GABRG3: variants seen among roughly 807,000 people sequenced by gnomAD.
GABRG3 encodes the protein gamma-aminobutyric acid receptor subunit gamma-3.
In GABRG3, 25 loss-of-function variants were observed where a neutral mutation model predicts 48.8. The observed-to-expected ratio is 0.51, with a 90% CI of 0.37 to 0.72. GABRG3 has a LOEUF of 0.72. Among genes scored for constraint, GABRG3 ranks in the 30% least tolerant of loss-of-function variants. The pLI, the probability that GABRG3 is intolerant of heterozygous loss-of-function variation, is 0.00. For synonymous variants in GABRG3, 227 were observed against 217.6 expected (o/e 1.04, Z -0.38); for missense variants, 394 against 577.9 (o/e 0.68, Z 3.26).
chr15:27,030,140 A>G (rs1321194147), intron 3 of GABRG3, among the ~76,000 whole-genome samples: 3 of 152,218 alleles, frequency 2.0e-5, no homozygotes, highest in Non-Finnish European at 4.4e-5. Context: ...AAGAAGCACA[A>G]TTTAGAGATG....
At chr15:27,411,218 C>T (rs962867707) in intron 5 of GABRG3, among the ~76,000 whole-genome samples, 6 of 152,108 alleles carry the variant, frequency 3.9e-5, no homozygotes, top group Non-Finnish European at 8.8e-5. Context: ...TTTGGACAAA[C>T]ACTCTGTGGA....
intron 3 of GABRG3, among the ~76,000 whole-genome samples, chr15:27,111,881 G>T (rs991549550): frequency 3.3e-5 from 5 of 152,124 alleles, no homozygotes; most frequent in African/African-American, 1.2e-4. Context: ...GATTTTCACA[G>T]TTCAGCTCTT....
At chr15:27,265,882 G>GTTTTTTTTTTTTTTTTTTTT (rs57522857) in intron 3 of GABRG3, among the ~76,000 whole-genome samples, 11 of 127,586 alleles carry the variant, frequency 8.6e-5, no homozygotes, top group African/African-American at 2.7e-4. Context: ...TTTTCTCCTG[G>GTTTTTTTTTTTTTTTTTTTT]TTTTTTTTTT....
chr15:27,446,883 A>G (rs1326176501), intron 5 of GABRG3, among the ~76,000 whole-genome samples: 3 of 152,210 alleles, frequency 2.0e-5, no homozygotes, highest in African/African-American at 7.2e-5. Flanking sequence ...GAGAATACAC[A>G]TACACCCCCA....
chr15:27,154,392 G>C (rs985551566), intron 3 of GABRG3, among the ~76,000 whole-genome samples: 4 of 152,136 alleles, frequency 2.6e-5, no homozygotes, highest in African/African-American at 9.7e-5. Context: ...TGAGAGTTGA[G>C]AGTGGGCATC....
At position 27,533,087 on chromosome 15, in the gene GABRG3, T is replaced by TA. The variant is rs1891468723; in HGVS notation, c.*208dup. On this transcript the variant is annotated 3_prime_UTR_variant, in exon 10 of 10. Transcript: ENST00000615808. ...ACACACATACATACACACACACAGC[T>TA]AATTGAGTTTTAAAGTAATATTCTT... 1 of 527,236 alleles carries TA rather than the reference T, an allele frequency of 1.9e-6. No homozygotes were observed. The highest frequency in any genetic ancestry group is 3.4e-6 in the Non-Finnish European group (1 of 298,006). 32.7% of individuals were successfully genotyped at this position (527,236 alleles called of 1,614,324 possible). A position where few individuals can be genotyped will look rare whatever the true frequency, so the allele number is the denominator to read the frequency against.
chr15:27,095,687 T>G (rs1290648843), intron 3 of GABRG3, among the ~76,000 whole-genome samples: 2 of 152,070 alleles, frequency 1.3e-5, no homozygotes, highest in African/African-American at 4.8e-5. Flanking sequence ...TTCACTAAAC[T>G]TAGGTTTTTC....
At chr15:27,338,417 AG>A (rs1398772261) in intron 5 of GABRG3, among the ~76,000 whole-genome samples, 1 of 152,118 alleles carries the variant, frequency 6.6e-6, no homozygotes, top group Non-Finnish European at 1.5e-5. Context: ...AGAAAACCAA[AG>A]GGCAATGGAA....
intron 3 of GABRG3, among the ~76,000 whole-genome samples, chr15:27,040,921 A>G (rs1896265643): frequency 6.6e-6 from 1 of 152,168 alleles, no homozygotes; most frequent in South Asian, 2.1e-4. Flanking sequence ...GATAAAACTG[A>G]TGAGCAAGAC....
chr15:27,061,425 T>C (rs1204782784), intron 3 of GABRG3, among the ~76,000 whole-genome samples: 1 of 151,176 alleles, frequency 6.6e-6, no homozygotes, highest in African/African-American at 2.4e-5. Context: ...AACAAAACAA[T>C]GCTCCATTGA....
rs60516105 is a variant in GABRG3, at chr15:27,001,888, G to GTTTTTT, written c.202+24748_202+24753dup. ...CTTGAAGAGAGGTTCCCATAACTCA[G>GTTTTTT]TTTTTTTTTTTTTTTAAGATATGGT... On this transcript the variant is annotated intron_variant, in intron 2 of 9. Transcript: ENST00000615808. 7.6e-4 allele frequency among the ~76,000 whole-genome samples: 92 copies of GTTTTTT among 121,210 alleles called. 2 individuals carry two copies. Among genetic ancestry groups the GTTTTTT allele is most frequent in the African/African-American group, 2.6e-3 (82 of 31,542 alleles). 79.5% of individuals were successfully genotyped at this position (121,210 alleles called of 152,430 possible).
At chr15:27,348,749 A>T (rs2140534108) in intron 5 of GABRG3, among the ~76,000 whole-genome samples, 1 of 152,344 alleles carries the variant, frequency 6.6e-6, no homozygotes, top group Non-Finnish European at 1.5e-5. Context: ...AAATCAGAGA[A>T]GAGTTGACAT....
chr15:27,317,993 C>A (rs1375257794), intron 3 of GABRG3, among the ~76,000 whole-genome samples: 1 of 152,122 alleles, frequency 6.6e-6, no homozygotes, highest in African/African-American at 2.4e-5. Flanking sequence ...GATAAAGAAC[C>A]CATGCCCATT....
At chr15:27,480,157 T>G (rs1037187854) in intron 5 of GABRG3, among the ~76,000 whole-genome samples, 3 of 152,212 alleles carry the variant, frequency 2.0e-5, no homozygotes, top group Non-Finnish European at 4.4e-5. Context: ...CTATCAAAGC[T>G]GAAGACTGAT....
At chr15:27,002,006 T>A (rs1382626618) in intron 2 of GABRG3, among the ~76,000 whole-genome samples, 1 of 151,930 alleles carries the variant, frequency 6.6e-6, no homozygotes, top group African/African-American at 2.4e-5. Flanking sequence ...TTATATAAAT[T>A]TTAAAGTGAT....
rs1889313930 is a variant in GABRG3 at position 27,457,334 on chromosome 15, T to C, written c.575-23316T>C. ...GAAGATATTTGGACTAAGTCCTTGC[T>C]AGCATTTGACGTTTTGTTTTTTGCG... On this transcript the variant is annotated intron_variant, in intron 5 of 9. Transcript: ENST00000615808. This position sits in a 1 kb window ranked among gnomAD's most constrained non-coding sequence, Gnocchi z 4.4. Among the ~76,000 whole-genome samples the C allele has an allele frequency of 6.6e-6, 1 of 152,238 alleles. No homozygotes were observed. The highest frequency in any genetic ancestry group is 2.1e-4 in the South Asian group (1 of 4,830).
rs150354080 is a variant in GABRG3 at position 27,330,392 on chromosome 15, T to G, written c.574+1504T>G. Among the ~76,000 whole-genome samples the G allele has an allele frequency of 6.8e-4, 103 of 152,398 alleles. 1 individual carries two copies. Among genetic ancestry groups the G allele is most frequent in the African/African-American group, 2.5e-3 (103 of 41,602 alleles). On this transcript the variant is annotated intron_variant, in intron 5 of 9. Coordinates refer to ENST00000615808, the MANE Select transcript of GABRG3 (RefSeq NM_033223.5). ...TGTAAAATATGTTCATCGCTTATTT[T>G]ACTTTTGCTTCTGCTCCTCGCAAGT...
At chr15:26,977,578 G>A (rs1395446301) in intron 2 of GABRG3, among the ~76,000 whole-genome samples, 1 of 152,004 alleles carries the variant, frequency 6.6e-6, no homozygotes, top group African/African-American at 2.4e-5. Flanking sequence ...TGGAATCATT[G>A]ACCTTTTGAG....
chr15:27,373,477 A>G (rs1895482429), intron 5 of GABRG3, among the ~76,000 whole-genome samples: 1 of 152,226 alleles, frequency 6.6e-6, no homozygotes, highest in Non-Finnish European at 1.5e-5. Flanking sequence ...TCTGCCAGAC[A>G]GAAATTATTT....
Sources: gnomAD v4.1 joint callset for allele counts (sites outside exome capture counted in the v4.1 genomes callset) on GRCh38, gnomAD v4.1.1 for gene constraint, Gnocchi (gnomAD v3.1) non-coding constraint, MANE v1.5 for transcripts, NCBI Gene and HGNC (gene_info 2026-07-23, HGNC 2026-07-21) for gene names.